Variants in TBPL2 observed in about 807,000 individuals in gnomAD.
TBPL2 encodes TATA-box binding protein like 2.
In TBPL2, 40 loss-of-function variants were observed where a neutral mutation model predicts 38.2. The observed-to-expected ratio is 1.05, with a 90% CI of 0.81 to 1.36. The LOEUF is 1.36. Among genes scored for constraint, TBPL2 ranks in the 40% most tolerant of loss-of-function variants. TBPL2 has a pLI of 0.00. For synonymous variants in TBPL2, 169 were observed against 171.7 expected (o/e 0.98, Z 0.12); for missense variants, 461 against 456.7 (o/e 1.01, Z -0.09).
chr14:55,422,347 G>C (rs2140167395), intron 6 of TBPL2, among the ~76,000 whole-genome samples: 1 of 152,272 alleles, frequency 6.6e-6, no homozygotes, highest in East Asian at 1.9e-4. Context: ...CTAGGTTCAA[G>C]CGATTCTCCT....
intron 5 of TBPL2, 82 bp from the exon 6 acceptor site, chr14:55,424,335 G>A: frequency 2.4e-6 from 2 of 838,696 alleles, no homozygotes; most frequent in South Asian, 1.8e-5. Flanking sequence ...GTATATTAAA[G>A]TGCATATTAA....
Position 55,437,029 on chromosome 14 carries a change from C to A in TBPL2, c.151-11G>T. ...TGGGGCAAGGCCATCCTAGGCAGTT[C>A]CCAAAACAGACAGACAAAAACACAA... is the stretch of plus-strand genomic sequence containing the variant. On this transcript the variant is annotated splice_polypyrimidine_tract_variant and intron_variant, in intron 1 of 6. Coordinates refer to ENST00000247219, the Ensembl canonical transcript of TBPL2. The A allele has an allele frequency of 6.2e-7, 1 of 1,610,518 alleles. No homozygotes were observed. The highest frequency in any genetic ancestry group is 8.5e-7 in the Non-Finnish European group (1 of 1,177,102).
chr14:55,417,028 C>G (rs1885678891), intron 6 of TBPL2, among the ~76,000 whole-genome samples: 1 of 152,176 alleles, frequency 6.6e-6, no homozygotes, highest in East Asian at 1.9e-4. Context: ...AAGGAGTATA[C>G]CATCTGGAGG....
chr14:55,429,766 C>CAA (rs71131266), intron 4 of TBPL2, among the ~76,000 whole-genome samples: 762 of 51,544 alleles, frequency 0.015, 12 homozygotes, highest in African/African-American at 0.031. Flanking sequence ...AACTCCGTCT[C>CAA]AAAAAAAAAA....
chr14:55,430,281 AC>A (rs1294505418), intron 4 of TBPL2, among the ~76,000 whole-genome samples: 1 of 151,952 alleles, frequency 6.6e-6, no homozygotes, highest in Non-Finnish European at 1.5e-5. Flanking sequence ...GTTTGCCTGG[AC>A]TAAAGCAAGT....
chr14:55,439,242 T>C (rs1194197510), intron 1 of TBPL2, among the ~76,000 whole-genome samples: 4 of 145,602 alleles, frequency 2.7e-5, no homozygotes, highest in Non-Finnish European at 4.5e-5. Context: ...CCCTGCCCAA[T>C]GCTAAGGATT....
chr14:55,426,280 T>A (rs867635174), intron 5 of TBPL2, among the ~76,000 whole-genome samples: 71 of 147,226 alleles, frequency 4.8e-4, no homozygotes, highest in Middle Eastern at 3.5e-3. Context: ...AAAAAAAAAA[T>A]AAATAAATAA....
chr14:55,420,175 A>T (rs1392051931), intron 6 of TBPL2, among the ~76,000 whole-genome samples: 1 of 152,194 alleles, frequency 6.6e-6, no homozygotes, highest in East Asian at 1.9e-4. Context: ...GGTTCAAGCG[A>T]TTCTCCTGCC....
At chr14:55,422,976 A>T (rs576029826) in intron 6 of TBPL2, among the ~76,000 whole-genome samples, 19 of 152,258 alleles carry the variant, frequency 1.2e-4, no homozygotes, top group African/African-American at 2.6e-4. Context: ...AAAATTATTT[A>T]AAAAAAAGCC....
At chr14:55,437,432 C>CT (rs1886034886) in intron 1 of TBPL2, among the ~76,000 whole-genome samples, 1 of 152,214 alleles carries the variant, frequency 6.6e-6, no homozygotes, top group South Asian at 2.1e-4. Context: ...GAGTCGAGAT[C>CT]ATGCTACTGC....
chr14:55,433,583 A>C (rs750324087), intron 4 of TBPL2, 47 bp downstream of exon 4: 1 of 1,540,522 alleles, frequency 6.5e-7, no homozygotes, highest in Non-Finnish European at 9.0e-7. Context: ...CTTGTTTTAC[A>C]TACTAAATTG....
Position 55,440,391 on chromosome 14 carries a change from C to T in TBPL2, c.150+5G>A. 3 of 1,613,042 alleles carry T rather than the reference C, an allele frequency of 1.9e-6. No homozygotes were observed. The highest frequency in any genetic ancestry group is 1.7e-5 in the Admixed American group (1 of 60,020). On this transcript the variant is annotated splice_donor_5th_base_variant and intron_variant, in intron 1 of 6. Coordinates refer to ENST00000247219, the Ensembl canonical transcript of TBPL2. ...CTGACTCTGGGACAGTGGCGGCAGCCTCACCTGAGCGGCGCACTGGTCCAG... is the reference window on the plus strand; with the variant it reads ...CTGACTCTGGGACAGTGGCGGCAGCTTCACCTGAGCGGCGCACTGGTCCAG...
At chr14:55,414,789 A>C (rs900032919) in intron 6 of TBPL2, among the ~76,000 whole-genome samples, 1 of 152,242 alleles carries the variant, frequency 6.6e-6, no homozygotes, top group African/African-American at 2.4e-5. Flanking sequence ...CTTAGCTACC[A>C]GCAAAAGGGA....
At chr14:55,425,930 T>C (rs1308937996) in intron 5 of TBPL2, among the ~76,000 whole-genome samples, 2 of 152,180 alleles carry the variant, frequency 1.3e-5, no homozygotes, top group Non-Finnish European at 2.9e-5. Flanking sequence ...ACCTAGATCT[T>C]ATTCATATAG....
intron 4 of TBPL2, among the ~76,000 whole-genome samples, chr14:55,432,398 G>A (rs1463970161): frequency 2.0e-5 from 3 of 149,080 alleles, no homozygotes; most frequent in African/African-American, 7.4e-5. Context: ...GGATAACACA[G>A]TGAGACCGTG....
intron 4 of TBPL2, among the ~76,000 whole-genome samples, chr14:55,432,243 T>G (rs1305193586): frequency 3.9e-5 from 2 of 50,662 alleles, no homozygotes; most frequent in Non-Finnish European, 8.4e-5. Context: ...CCCCCGTCTC[T>G]ACAAAAAAAA....
intron 6 of TBPL2, among the ~76,000 whole-genome samples, chr14:55,420,068 TTTTG>T (rs970949816): frequency 3.9e-4 from 60 of 152,250 alleles, no homozygotes; most frequent in Admixed American, 5.2e-4. Flanking sequence ...TTAAGGTTTT[TTTTG>T]TTTGTTTGTT....
exon 4 of TBPL2, chr14:55,433,689 C>A: frequency 6.2e-7 from 1 of 1,614,090 alleles, no homozygotes; most frequent in South Asian, 1.1e-5. Flanking sequence ...TTGTCCTGGG[C>A]TCTCGGATCC....
At chr14:55,439,700 G>A (rs780617752) in intron 1 of TBPL2, among the ~76,000 whole-genome samples, 9 of 150,134 alleles carry the variant, frequency 6.0e-5, no homozygotes, top group South Asian at 2.1e-4. Flanking sequence ...GGAGGCCAAG[G>A]CGGGTGGATC....
Sources: allele counts gnomAD v4.1 joint callset (sites outside exome capture counted in the v4.1 genomes callset), GRCh38; gene constraint gnomAD v4.1.1; transcripts MANE v1.5; gene names NCBI Gene and HGNC (gene_info 2026-07-23, HGNC 2026-07-21).